Variants in GRM7 observed in about 807,000 individuals in gnomAD.
GRM7 encodes the protein glutamate metabotropic receptor 7.
A neutral mutation model predicts 84.5 loss-of-function variants in GRM7; 35 were observed. That is an observed-to-expected ratio of 0.41 (90% CI 0.32 to 0.55). GRM7 has a LOEUF of 0.55. Among genes scored for constraint, GRM7 ranks in the 20% least tolerant of loss-of-function variants. The pLI is 0.19. For missense variants in GRM7, 1,003 were observed against 1,194.6 expected (o/e 0.84, Z 2.36); for synonymous variants, 487 against 455.1 (o/e 1.07, Z -0.89).
intron 4 of GRM7, among the ~76,000 whole-genome samples, chr3:7,311,450 A>C (rs1688094238): frequency 6.6e-6 from 1 of 150,750 alleles, no homozygotes; most frequent in South Asian, 2.1e-4. Flanking sequence ...CAACAGATAG[A>C]CTCTCAATGG....
chr3:7,295,812 T>C (rs1435108958), intron 2 of GRM7, among the ~76,000 whole-genome samples: 3 of 149,538 alleles, frequency 2.0e-5, no homozygotes. Context: ...AGGAGATTTT[T>C]TGATAGCTTT....
intron 2 of GRM7, among the ~76,000 whole-genome samples, chr3:7,229,759 A>ATATT (rs1434216248): frequency 9.9e-4 from 30 of 30,416 alleles, no homozygotes; most frequent in Non-Finnish European, 1.1e-3. Context: ...ATATATATAT[A>ATATT]TTTTTTTTTT....
At chr3:7,091,378 C>T (rs897381749) in intron 1 of GRM7, among the ~76,000 whole-genome samples, 2 of 152,168 alleles carry the variant, frequency 1.3e-5, no homozygotes, top group African/African-American at 4.8e-5. Context: ...ATCATTTCTA[C>T]CATTTGATAT....
intron 7 of GRM7, among the ~76,000 whole-genome samples, chr3:7,514,381 C>G (rs983256): frequency 0.036 from 5,410 of 152,262 alleles, 340 homozygotes; most frequent in African/African-American, 0.12. Flanking sequence ...ACAAGACTCT[C>G]TGGGATAGAA....
At chr3:7,175,440 T>C (rs751633951) in intron 2 of GRM7, among the ~76,000 whole-genome samples, 12 of 152,272 alleles carry the variant, frequency 7.9e-5, no homozygotes, top group Non-Finnish European at 1.2e-4. Context: ...AAGAGATTAT[T>C]GTGTCACTTC....
intron 8 of GRM7, among the ~76,000 whole-genome samples, chr3:7,653,348 G>A (rs749632974): frequency 6.6e-6 from 1 of 151,964 alleles, no homozygotes; most frequent in African/African-American, 2.4e-5. Context: ...TAATTCTGAT[G>A]TTGAGATCCA....
chr3:7,588,126 C>A (rs1197636915), intron 8 of GRM7, among the ~76,000 whole-genome samples: 2 of 152,120 alleles, frequency 1.3e-5, no homozygotes, highest in Admixed American at 1.3e-4. Context: ...TGAAGAGTAT[C>A]CGTATACTAG....
intron 1 of GRM7, among the ~76,000 whole-genome samples, chr3:7,113,283 T>C (rs962164209): frequency 1.3e-5 from 2 of 152,206 alleles, no homozygotes; most frequent in African/African-American, 2.4e-5. Context: ...ATTAATACTT[T>C]GTTTTAGAGC....
intron 9 of GRM7, among the ~76,000 whole-genome samples, chr3:7,685,209 T>G (rs1700532000): frequency 6.6e-6 from 1 of 152,180 alleles, no homozygotes; most frequent in Admixed American, 6.5e-5. Context: ...GATGGGCGGA[T>G]AAGAACTGCA....
At chr3:7,433,755 G>A (rs1696929405) in intron 5 of GRM7, among the ~76,000 whole-genome samples, 1 of 152,176 alleles carries the variant, frequency 6.6e-6, no homozygotes, top group Non-Finnish European at 1.5e-5. Flanking sequence ...CCTAAGGAAT[G>A]TTGAATATCT....
At chr3:7,252,684 T>TTCTTTTCTTTTTTGCTTTTCTTTTTTTC (rs6147696) in intron 2 of GRM7, among the ~76,000 whole-genome samples, 1 of 118,236 alleles carries the variant, frequency 8.5e-6, no homozygotes, top group Non-Finnish European at 1.7e-5. Context: ...TTCTTTTCTT[T>TTCTTTTCTTTTTTGCTTTTCTTTTTTTC]TTTTCTTTTC....
At position 7,343,174 on chromosome 3, in the gene GRM7, A is replaced by C. The variant is rs74803521; in HGVS notation, c.1033+36522A>C. Among the ~76,000 whole-genome samples the C allele has an allele frequency of 7.2e-4, 109 of 152,236 alleles. No homozygotes were observed. The East Asian group carries it at 0.019, about 26-fold the overall frequency. On this transcript the variant is annotated intron_variant, in intron 4 of 9. Transcript: ENST00000357716. ...GACATGTGGCCCCCTTTAGCAGCAG[A>C]AGATGATAAGATTAAAGAGGTAATA...
chr3:6,897,026 C>T (rs768395380), intron 1 of GRM7, among the ~76,000 whole-genome samples: 54 of 152,198 alleles, frequency 3.5e-4, no homozygotes, highest in Non-Finnish European at 5.4e-4. Context: ...TTCTGTTTGA[C>T]AGTTATCCTG....
chr3:7,034,985 C>T (rs1484458987), intron 1 of GRM7, among the ~76,000 whole-genome samples: 1 of 152,076 alleles, frequency 6.6e-6, no homozygotes, highest in Non-Finnish European at 1.5e-5. Context: ...GAGAACATGG[C>T]TTCGTGAGAT....
intron 7 of GRM7, among the ~76,000 whole-genome samples, chr3:7,554,872 G>A (rs1219491172): frequency 6.6e-6 from 1 of 152,248 alleles, no homozygotes; most frequent in Non-Finnish European, 1.5e-5. Flanking sequence ...GATGGGCTTG[G>A]AAATGCAGTT....
intron 4 of GRM7, among the ~76,000 whole-genome samples, chr3:7,332,044 G>A (rs906257924): frequency 6.6e-6 from 1 of 152,132 alleles, no homozygotes; most frequent in Non-Finnish European, 1.5e-5. Context: ...ATATTTTATA[G>A]GTGTATACAA....
chr3:7,313,772 T>A (rs1168645585), intron 4 of GRM7, among the ~76,000 whole-genome samples: 2 of 152,154 alleles, frequency 1.3e-5, no homozygotes, highest in Non-Finnish European at 2.9e-5. Context: ...CTATTTCACA[T>A]GCGTTTTTTA....
At chr3:7,312,115 C>T (rs970079646) in intron 4 of GRM7, among the ~76,000 whole-genome samples, 1 of 152,128 alleles carries the variant, frequency 6.6e-6, no homozygotes, top group South Asian at 2.1e-4. Flanking sequence ...CTCCCTCAAG[C>T]TCTGTTTAAC....
At chr3:7,006,822 T>C (rs959128216) in intron 1 of GRM7, among the ~76,000 whole-genome samples, 4 of 152,216 alleles carry the variant, frequency 2.6e-5, no homozygotes, top group Non-Finnish European at 5.9e-5. Flanking sequence ...GTTAAATAAA[T>C]CTTGCTGAGC....
Sources: allele counts gnomAD v4.1 joint callset (sites outside exome capture counted in the v4.1 genomes callset), GRCh38; gene constraint gnomAD v4.1.1; transcripts MANE v1.5; gene names NCBI Gene and HGNC (gene_info 2026-07-23, HGNC 2026-07-21).